The following SCNN1B variants were observed in gnomAD, a reference collection of about 807,000 sequenced individuals.
SCNN1B encodes sodium channel epithelial 1 subunit beta.
A neutral mutation model predicts 65.3 loss-of-function variants in SCNN1B; 46 were observed. That is an observed-to-expected ratio of 0.70 (90% CI 0.56 to 0.90). The LOEUF is 0.90. SCNN1B is among the 40% of genes least tolerant of loss of function. The pLI, the probability that SCNN1B is intolerant of heterozygous loss-of-function variation, is 0.00. For missense variants in SCNN1B, 751 were observed against 830.5 expected, an observed-to-expected ratio of 0.90 and a Z score of 1.18; for synonymous variants, 349 against 330.6, an observed-to-expected ratio of 1.06 and a Z score of -0.60.
At chr16:23,346,574 A>G (rs559134032) in intron 1 of SCNN1B, among the ~76,000 whole-genome samples, 3 of 152,176 alleles carry the variant, frequency 2.0e-5, no homozygotes, top group East Asian at 1.9e-4. Context: ...TCATGCCTCC[A>G]AAGGTTCCAG....
At chr16:23,317,762 G>A (rs912764682) in intron 1 of SCNN1B, among the ~76,000 whole-genome samples, 1 of 152,194 alleles carries the variant, frequency 6.6e-6, no homozygotes, top group African/African-American at 2.4e-5. Context: ...GCACCGAAGG[G>A]CAATGCTGTG....
rs533400410 is a variant in SCNN1B, at chr16:23,348,353, G to T, written c.-8-239G>T. ...TTGAGTCCAGAAGGACCATTTGAGT[G>T]CCTGGCATATAGTAGGCATTCAATA... On this transcript the variant is annotated intron_variant, in intron 1 of 12. Coordinates refer to ENST00000343070, the MANE Select transcript of SCNN1B (RefSeq NM_000336.3). The surrounding 1 kb of genome is among the most constrained non-coding windows in gnomAD (Gnocchi z 4.5). Among the ~76,000 whole-genome samples the T allele has an allele frequency of 1.6e-3, 250 of 151,994 alleles. No individual in the cohort carries two copies. Among genetic ancestry groups the T allele is most frequent in the African/African-American group, 4.8e-3 (198 of 41,440 alleles).
At chr16:23,294,930 T>C (rs1378497661) in intron 2 of SCNN1B, among the ~76,000 whole-genome samples, 3 of 151,018 alleles carry the variant, frequency 2.0e-5, no homozygotes, top group African/African-American at 7.3e-5. Context: ...GAGGTGGAGG[T>C]GGCAGTGAGC....
At chr16:23,368,756 A>G (rs533757669) in intron 5 of SCNN1B, among the ~76,000 whole-genome samples, 1 of 152,218 alleles carries the variant, frequency 6.6e-6, no homozygotes, top group Non-Finnish European at 1.5e-5. Context: ...TATTCTGAGC[A>G]GTTTTTAAAC....
intron 1 of SCNN1B, among the ~76,000 whole-genome samples, chr16:23,309,021 A>G (rs933414161): frequency 1.3e-5 from 2 of 152,196 alleles, no homozygotes; most frequent in African/African-American, 4.8e-5. Flanking sequence ...TCTGACTTGC[A>G]CTAGAAGGGA....
intron 3 of SCNN1B, among the ~76,000 whole-genome samples, chr16:23,354,046 G>A (rs1162922932): frequency 6.6e-6 from 1 of 152,112 alleles, no homozygotes; most frequent in African/African-American, 2.4e-5. Context: ...TCCCCAGATG[G>A]GGAGCCACTG....
rs1334433731 is a variant in SCNN1B at position 23,371,341 on chromosome 16, C to T, written c.923C>T (p.Pro308Leu). ...ILDIGQEDYVPFLASTAGVRL... is the reference protein window; with the variant it reads ...ILDIGQEDYVLFLASTAGVRL... ...GACATAGGCCAGGAAGACTACGTCC[C>T]CTTCCTTGCGTCCACGGCCGGGGTC... Residue 308 changes from proline (P) to leucine (L), a missense_variant, in exon 6 of 13, where the codon CCC becomes CTC. Pro to Leu is a moderately conservative substitution (Grantham distance 98). Transcript: ENST00000343070. 1 of 1,614,042 alleles carries T rather than the reference C, an allele frequency of 6.2e-7. No individual in the cohort carries two copies. The highest frequency in any genetic ancestry group is 8.5e-7 in the Non-Finnish European group (1 of 1,180,022).
intron 4 of SCNN1B, among the ~76,000 whole-genome samples, chr16:23,361,249 G>A (rs1452855528): frequency 6.6e-6 from 1 of 152,096 alleles, no homozygotes; most frequent in Non-Finnish European, 1.5e-5. Flanking sequence ...TTTTATCGAG[G>A]AATAGTTTTA....
At chr16:23,293,851 G>A (rs1389874242) in intron 2 of SCNN1B, among the ~76,000 whole-genome samples, 1 of 152,222 alleles carries the variant, frequency 6.6e-6, no homozygotes, top group East Asian at 1.9e-4. Flanking sequence ...TTGAGCCTAG[G>A]AGGTGGAGGC....
chr16:23,353,051 G>A lies in SCNN1B; in HGVS notation c.562G>A (p.Gly188Arg), dbSNP rs368632136. 102 of 1,613,994 alleles carry A rather than the reference G, an allele frequency of 6.3e-5. No homozygotes were observed. The highest frequency in any genetic ancestry group is 1.3e-4 in the East Asian group (6 of 44,900). The change falls in exon 3 of 13, where the codon GGG (glycine) becomes AGG (arginine). Residue 188 changes from glycine to arginine, a missense_variant. Gly to Arg is a moderately radical substitution (Grantham distance 125, BLOSUM62 -2). Coordinates refer to ENST00000343070, the MANE Select transcript of SCNN1B (RefSeq NM_000336.3). ...ATCAGAAAAGATCTGTAATGCCCAC[G>A]GGTGCAAAATGGCCATGAGACTAGT... ...SASEKICNAHGCKMAMRLCSL... is the reference protein window; with the variant it reads ...SASEKICNAHRCKMAMRLCSL...
At chr16:23,307,251 C>T (rs1167634591) in intron 1 of SCNN1B, among the ~76,000 whole-genome samples, 1 of 150,886 alleles carries the variant, frequency 6.6e-6, no homozygotes, top group African/African-American at 2.4e-5. Context: ...ATCTAGCACA[C>T]AGCAACTGCT....
chr16:23,349,729 A>G (rs375003790), intron 2 of SCNN1B, among the ~76,000 whole-genome samples: 5 of 152,294 alleles, frequency 3.3e-5, no homozygotes, highest in East Asian at 3.9e-4. Flanking sequence ...TCCTCTTCAC[A>G]GCCTGCCAGA....
intron 4 of SCNN1B, among the ~76,000 whole-genome samples, chr16:23,356,748 G>A (rs1596868068): frequency 1.3e-5 from 2 of 152,136 alleles, no homozygotes; most frequent in Non-Finnish European, 2.9e-5. Flanking sequence ...TAACCCTGGA[G>A]GTCTAGGTCT....
chr16:23,330,347 G>T (rs374804890), intron 1 of SCNN1B, among the ~76,000 whole-genome samples: 29 of 152,314 alleles, frequency 1.9e-4, no homozygotes, highest in African/African-American at 6.5e-4. Flanking sequence ...TGAGGCTATA[G>T]CGGTTTTGCT....
In SCNN1B at chr16:23,351,895, C is replaced by T. The variant is rs1962316899; in HGVS notation, c.312-906C>T. Among the ~76,000 whole-genome samples the T allele has an allele frequency of 2.0e-5, 3 of 152,196 alleles. No homozygotes were observed. In the South Asian group the frequency reaches 6.2e-4, roughly 31 times the overall value. On this transcript the variant is annotated intron_variant, in intron 2 of 12. Coordinates refer to ENST00000343070, the MANE Select transcript of SCNN1B (RefSeq NM_000336.3). Reference sequence around the variant, plus strand: ...CCCCCCTGGGAGGGAGATCTCAGAACCCCCATAAACATACCCACTGGAGCC... The same window carrying T: ...CCCCCCTGGGAGGGAGATCTCAGAATCCCCATAAACATACCCACTGGAGCC...
At chr16:23,353,192 C>T in intron 3 of SCNN1B, 118 bp downstream of exon 3, 1 of 1,252,534 alleles carries the variant, frequency 8.0e-7, no homozygotes, top group Non-Finnish European at 1.1e-6. Context: ...AAGCCAGAGC[C>T]TGTTTTGCTT....
At chr16:23,343,225 A>G (rs1447593481) in intron 1 of SCNN1B, among the ~76,000 whole-genome samples, 1 of 151,978 alleles carries the variant, frequency 6.6e-6, no homozygotes, top group Non-Finnish European at 1.5e-5. Context: ...GAGGCCAAGG[A>G]GGGCAGATCA....
At chr16:23,281,895 ATAG>A (rs1960789067) in intron 1 of SCNN1B, among the ~76,000 whole-genome samples, 1 of 152,142 alleles carries the variant, frequency 6.6e-6, no homozygotes, top group African/African-American at 2.4e-5. Context: ...GGGGATCATA[ATAG>A]TAATACTTAC....
chr16:23,351,284 A>G (rs761886605), intron 2 of SCNN1B, among the ~76,000 whole-genome samples: 3 of 152,290 alleles, frequency 2.0e-5, no homozygotes, highest in South Asian at 2.1e-4. Flanking sequence ...AATCTTCCCA[A>G]CGATTCTCTG....
Sources: allele counts gnomAD v4.1 joint callset (sites outside exome capture counted in the v4.1 genomes callset), GRCh38; gene constraint gnomAD v4.1.1; non-coding constraint Gnocchi (gnomAD v3.1); transcripts MANE v1.5; gene names NCBI Gene and HGNC (gene_info 2026-07-23, HGNC 2026-07-21).